CDH2: variants seen among roughly 807,000 people sequenced by gnomAD.
The protein encoded by CDH2 is cadherin-2.
Under a neutral mutation model 92.0 loss-of-function variants are expected in CDH2, and 17 were observed. The ratio of observed to expected loss-of-function variants is 0.18; its 90% CI spans 0.13 to 0.28. The LOEUF is 0.28. Among genes scored for constraint, CDH2 ranks in the 10% least tolerant of loss-of-function variants. The pLI, the probability that CDH2 is intolerant of heterozygous loss-of-function variation, is 1.00. For synonymous variants in CDH2, 419 were observed against 415.9 expected, an observed-to-expected ratio of 1.01 and a Z score of -0.09; for missense variants, 862 against 1,133.1, an observed-to-expected ratio of 0.76 and a Z score of 3.44.
chr18:27,948,352 T>C (rs1909328461), downstream of CDH2, among the ~76,000 whole-genome samples: 1 of 151,898 alleles, frequency 6.6e-6, no homozygotes, highest in Non-Finnish European at 1.5e-5. Context: ...TCTAGAAATG[T>C]TTTAGAAAGT....
chr18:28,124,151 C>T (rs990521474), intron 2 of CDH2, among the ~76,000 whole-genome samples: 1 of 151,954 alleles, frequency 6.6e-6, no homozygotes, highest in Non-Finnish European at 1.5e-5. Flanking sequence ...ACAGCAGTTT[C>T]TTCCCCACCC....
chr18:28,067,795 G>C (rs2014538295), intron 2 of CDH2, among the ~76,000 whole-genome samples: 1 of 152,106 alleles, frequency 6.6e-6, no homozygotes, highest in Admixed American at 6.6e-5. Context: ...ATGGTCAAAA[G>C]TATTGAATGT....
intron 1 of CDH2, among the ~76,000 whole-genome samples, chr18:28,150,475 C>T (rs1428488856): frequency 2.0e-5 from 3 of 152,198 alleles, no homozygotes; most frequent in Non-Finnish European, 4.4e-5. Flanking sequence ...AGAAATAGGA[C>T]TTCAGGGCCA....
intron 2 of CDH2, among the ~76,000 whole-genome samples, chr18:28,066,617 A>G (rs1159220207): frequency 6.6e-6 from 1 of 152,152 alleles, no homozygotes; most frequent in African/African-American, 2.4e-5. Flanking sequence ...ATTAGGTGCC[A>G]CTGAAAAGCT....
intron 11 of CDH2, among the ~76,000 whole-genome samples, chr18:27,986,627 C>A (rs953306835): frequency 2.0e-5 from 3 of 152,018 alleles, no homozygotes; most frequent in African/African-American, 7.3e-5. Context: ...ACACTGAAGA[C>A]CAGAGACTTA....
chr18:28,099,764 C>G (rs2015196780), intron 2 of CDH2, among the ~76,000 whole-genome samples: 1 of 152,090 alleles, frequency 6.6e-6, no homozygotes, highest in Non-Finnish European at 1.5e-5. Context: ...TTAGAGAAAG[C>G]AAATAGCAAG....
At chr18:28,024,831 T>C (rs1310362338) in intron 2 of CDH2, among the ~76,000 whole-genome samples, 1 of 151,714 alleles carries the variant, frequency 6.6e-6, no homozygotes, top group East Asian at 1.9e-4. Context: ...TTTTGACTAA[T>C]TGTTAACCTT....
intron 2 of CDH2, among the ~76,000 whole-genome samples, chr18:28,093,417 T>C (rs1431711619): frequency 6.6e-6 from 1 of 152,164 alleles, no homozygotes; most frequent in Non-Finnish European, 1.5e-5. Flanking sequence ...AGTCCTAACT[T>C]GTTTTTAAAA....
intron 2 of CDH2, among the ~76,000 whole-genome samples, chr18:28,091,253 C>T (rs1008511279): frequency 3.3e-5 from 5 of 152,150 alleles, no homozygotes; most frequent in African/African-American, 1.2e-4. Flanking sequence ...GGTGATAAAA[C>T]TGTACTTTCT....
At chr18:27,969,169 C>T (rs562275477) in intron 14 of CDH2, among the ~76,000 whole-genome samples, 4 of 152,270 alleles carry the variant, frequency 2.6e-5, no homozygotes, top group Non-Finnish European at 5.9e-5. Flanking sequence ...CCCCCACCAA[C>T]AAAAAATTTG....
intron 2 of CDH2, among the ~76,000 whole-genome samples, chr18:28,133,568 C>G (rs1231267): frequency 7.8e-6 from 1 of 127,588 alleles, no homozygotes; most frequent in African/African-American, 3.0e-5. Flanking sequence ...GGTGACAGAG[C>G]GAGACTCTGT....
chr18:28,039,277 C>T (rs2013901115), intron 2 of CDH2, among the ~76,000 whole-genome samples: 1 of 152,108 alleles, frequency 6.6e-6, no homozygotes, highest in Non-Finnish European at 1.5e-5. Flanking sequence ...GGCAAGGATA[C>T]ATGACTCACA....
intron 14 of CDH2, 94 bp downstream of exon 14, chr18:27,982,850 C>A: frequency 1.4e-6 from 1 of 737,466 alleles, no homozygotes; most frequent in East Asian, 2.9e-5. Flanking sequence ...GGAGGGAAAC[C>A]TGATACCATT....
chr18:27,961,009 T>C (rs1189735565), intron 15 of CDH2, among the ~76,000 whole-genome samples: 3 of 142,394 alleles, frequency 2.1e-5, no homozygotes, highest in Admixed American at 1.4e-4. Flanking sequence ...GAAGAAGAGA[T>C]AGTCATTGTT....
At chr18:28,136,386 C>CTT (rs75569427) in intron 2 of CDH2, among the ~76,000 whole-genome samples, 65 of 137,578 alleles carry the variant, frequency 4.7e-4, no homozygotes, top group South Asian at 1.3e-3. Context: ...TTGCTGTAAT[C>CTT]TTTTTTTTTT....
intron 2 of CDH2, among the ~76,000 whole-genome samples, chr18:28,081,356 C>T (rs545489563): frequency 4.6e-5 from 7 of 152,282 alleles, no homozygotes; most frequent in Admixed American, 6.5e-5. Flanking sequence ...GTCAAAATAA[C>T]TGACCATTAA....
At chr18:27,981,550 G>C (rs2012056364) in intron 14 of CDH2, among the ~76,000 whole-genome samples, 1 of 152,182 alleles carries the variant, frequency 6.6e-6, no homozygotes, top group Admixed American at 6.5e-5. Flanking sequence ...ATGAGGCCTT[G>C]AGTCCTGGCT....
intron 2 of CDH2, among the ~76,000 whole-genome samples, chr18:28,022,442 T>G (rs753013768): frequency 1.3e-5 from 2 of 152,246 alleles, no homozygotes; most frequent in Non-Finnish European, 2.9e-5. Context: ...AAATTTGACC[T>G]TGTGTTCACA....
chr18:28,012,521 C>T (rs992202074), intron 3 of CDH2, among the ~76,000 whole-genome samples: 6 of 152,170 alleles, frequency 3.9e-5, no homozygotes, highest in African/African-American at 1.4e-4. Context: ...CTGCAGATGA[C>T]CCACTTTGCA....
Sources: allele counts gnomAD v4.1 joint callset (sites outside exome capture counted in the v4.1 genomes callset), GRCh38; gene constraint gnomAD v4.1.1; transcripts MANE v1.5; gene names NCBI Gene and HGNC (gene_info 2026-07-23, HGNC 2026-07-21).